Variants in SRSF2 observed in about 807,000 individuals in gnomAD.
SRSF2 encodes serine and arginine rich splicing factor 2.
A neutral mutation model predicts 15.7 loss-of-function variants in SRSF2; 4 were observed. That is an observed-to-expected ratio of 0.26 (90% CI 0.13 to 0.58). SRSF2 has a LOEUF of 0.58. Ranked by LOEUF, SRSF2 falls within the 20% of genes least tolerant of loss-of-function variation. The pLI is 0.90. For missense variants in SRSF2, 147 were observed against 332.4 expected (o/e 0.44, Z 4.34); for synonymous variants, 192 against 138.9 (o/e 1.38, Z -2.69).
At chr17:76,736,066 T>C in intron 2 of SRSF2, 88 bp downstream of exon 2, 1 of 1,321,120 alleles carries the variant, frequency 7.6e-7, no homozygotes, top group Non-Finnish European at 1.0e-6. Context: ...ATGATAGGAG[T>C]CATTCTTACA....
At position 76,734,704 on chromosome 17, in the gene SRSF2, T is replaced by C. The variant is rs889660814; in HGVS notation, c.*462A>G. ...CATTTAGATCTGAAGGTAAATAACA[T>C]ATACAAATTTACACCAACTTTTGTA... On this transcript the variant is annotated 3_prime_UTR_variant, in exon 3 of 3. Transcript: ENST00000359995. 23 of 234,374 alleles carry C rather than the reference T, an allele frequency of 9.8e-5. No individual in the cohort carries two copies. The highest frequency in any genetic ancestry group is 5.1e-4 in the African/African-American group (23 of 44,816). 14.5% of individuals were successfully genotyped at this position (234,374 alleles called of 1,614,324 possible). A position where few individuals can be genotyped will look rare whatever the true frequency, so the allele number is the denominator to read the frequency against.
rs2143925644 is a variant in SRSF2, at chr17:76,736,282, C to T, written c.545G>A (p.Arg182Gln). Residue 182 changes from arginine (R) to glutamine (Q), a missense_variant, in exon 2 of 3, where the codon CGG becomes CAG. By Grantham distance (43) the Arg-to-Gln change is conservative. This residue lies in a region of SRSF2 where 125 missense variants were observed against 185.1 expected (regional missense o/e 0.68). Coordinates refer to ENST00000359995, the MANE Select transcript of SRSF2 (RefSeq NM_001195427.2). Reference sequence around the variant, plus strand: ...CCTGGACCGAGACCGGGACCTGGACCGCGAACGAGATCTGGAGACCGACGA... The same window carrying T: ...CCTGGACCGAGACCGGGACCTGGACTGCGAACGAGATCTGGAGACCGACGA... ...KSSSVSRSRSRSRSRSRSRSP... is the reference protein window; with the variant it reads ...KSSSVSRSRSQSRSRSRSRSP... 1.2e-6 allele frequency: 2 copies of T among 1,614,138 alleles called. No individual in the cohort carries two copies. The highest frequency in any genetic ancestry group is 8.5e-7 in the Non-Finnish European group (1 of 1,180,006).
At chr17:76,736,034 T>C (rs376744257) in intron 2 of SRSF2, 120 bp downstream of exon 2, 15 of 1,022,552 alleles carry the variant, frequency 1.5e-5, no homozygotes, top group South Asian at 1.1e-4. Flanking sequence ...CAAAGGTGAG[T>C]AACCTCCGAG....
chr17:76,735,124 C>G lies in SRSF2; in HGVS notation c.*42G>C. On this transcript the variant is annotated 3_prime_UTR_variant, in exon 3 of 3. Transcript: ENST00000359995. Reference sequence around the variant, plus strand: ...TCGATGGACTATGTGGTCCTTTTTCCCCAAGTCCTCCGTTTACACTGCTTG... The same window carrying G: ...TCGATGGACTATGTGGTCCTTTTTCGCCAAGTCCTCCGTTTACACTGCTTG... 1 of 218,862 alleles carries G rather than the reference C, an allele frequency of 4.6e-6. No individual in the cohort carries two copies. Among genetic ancestry groups the G allele is most frequent in the East Asian group, 6.7e-5 (1 of 14,822 alleles). The allele number at this position is 218,862 out of a possible 1,614,324, so 13.6% of individuals were successfully genotyped here.
rs1212632387 is a variant in SRSF2 at position 76,736,155 on chromosome 17, A to G, written c.*6T>C. 3.1e-6 allele frequency: 5 copies of G among 1,589,066 alleles called. No homozygotes were observed. Among genetic ancestry groups the G allele is most frequent in the Admixed American group, 1.8e-5 (1 of 56,182 alleles). On this transcript the variant is annotated splice_region_variant and 3_prime_UTR_variant, in exon 2 of 3. Coordinates refer to ENST00000359995, the MANE Select transcript of SRSF2 (RefSeq NM_001195427.2). ...GTGTCTCGGATTCCCAGACATTACC[A>G]TTTTCTTAAGAGGACACCGCTCCTT... is the stretch of plus-strand genomic sequence containing the variant.
In SRSF2 at chr17:76,735,460, T is replaced by C. The variant is rs545981405; in HGVS notation, c.*8-302A>G. On this transcript the variant is annotated intron_variant, in intron 2 of 2. Transcript: ENST00000359995. Reference sequence around the variant, plus strand: ...ACAACTCGAGATCAGAGAATTGGTCTATATTTCATTAAGATAAATTGTTTC... The same window carrying C: ...ACAACTCGAGATCAGAGAATTGGTCCATATTTCATTAAGATAAATTGTTTC... 1.3e-5 allele frequency: 3 copies of C among 227,138 alleles called. No homozygotes were observed. In the East Asian group the frequency reaches 1.9e-4, roughly 14 times the overall value. 14.1% of individuals were successfully genotyped at this position (227,138 alleles called of 1,614,324 possible).
chr17:76,736,245 T>G lies in SRSF2; in HGVS notation c.582A>C (p.Pro194=), dbSNP rs1283104650. The G allele has an allele frequency of 6.2e-7, 1 of 1,614,086 alleles. No homozygotes were observed. Among genetic ancestry groups the G allele is most frequent in the South Asian group, 1.1e-5 (1 of 91,078 alleles). ...TGGATTTGGATTCCCTCTTGGACAC[T>G]GGGGGAGGACTCCTGGACCGAGACC... ...RSRSRSRSPP[P]VSKRESKSRS... Residue 194 remains proline, a synonymous_variant, in exon 2 of 3, where the codon CCA becomes CCC. Coordinates refer to ENST00000359995, the MANE Select transcript of SRSF2 (RefSeq NM_001195427.2).
chr17:76,736,556 G>C, intron 1 of SRSF2, 92 bp from the exon 2 acceptor site: 2 of 1,386,250 alleles, frequency 1.4e-6, no homozygotes, highest in Non-Finnish European at 1.9e-6. Context: ...CCATTATCTC[G>C]CCGCCAGACG....
At chr17:76,736,059 A>AT in intron 2 of SRSF2, 95 bp downstream of exon 2, 1 of 1,225,924 alleles carries the variant, frequency 8.2e-7, no homozygotes. Flanking sequence ...ACTCCTAATG[A>AT]TAGGAGTCAT....
chr17:76,735,950 G>GT, intron 2 of SRSF2: 1 of 623,432 alleles, frequency 1.6e-6, no homozygotes, highest in Non-Finnish European at 2.8e-6. Context: ...GTCTCAAACA[G>GT]TTTACGAAAC....
chr17:76,735,508 G>A (rs1297596509), intron 2 of SRSF2: 2 of 229,224 alleles, frequency 8.7e-6, no homozygotes, highest in South Asian at 1.8e-4. Flanking sequence ...TGGTAATTGA[G>A]AATACTACTT....
At chr17:76,736,050 C>T (rs1412903362) in intron 2 of SRSF2, 104 bp downstream of exon 2, 2 of 1,196,468 alleles carry the variant, frequency 1.7e-6, no homozygotes, top group Non-Finnish European at 2.3e-6. Context: ...CCGAGCAGCA[C>T]TCCTAATGAT....
In SRSF2 at chr17:76,736,330, G is replaced by C; in HGVS notation, c.497C>G (p.Ala166Gly). The C allele has an allele frequency of 6.2e-7, 1 of 1,614,140 alleles. No individual in the cohort carries two copies. The highest frequency in any genetic ancestry group is 8.5e-7 in the Non-Finnish European group (1 of 1,180,002). The change falls in exon 2 of 3, where the codon GCA (alanine) becomes GGA (glycine). Residue 166 changes from alanine to glycine, a missense_variant. Ala to Gly is a moderately conservative substitution (Grantham distance 60). Around this residue, in one of 2 missense-constraint regions of SRSF2, gnomAD observed 125 missense variants for 185.1 expected, o/e 0.68. Coordinates refer to ENST00000359995, the MANE Select transcript of SRSF2 (RefSeq NM_001195427.2). ...CGAGGACTTGGACTTGGACCTTCGT[G>C]CGGATCTGGACTTGGAGGTCGACCG... ...RSRSTSKSRS[A>G]RRSKSKSSSV...
chr17:76,736,570 T>C (rs1423270855), intron 1 of SRSF2, 106 bp from the exon 2 acceptor site: 2 of 1,339,244 alleles, frequency 1.5e-6, no homozygotes, highest in South Asian at 1.4e-5. Context: ...CCAGACGCCA[T>C]TTCCCCAGTC....
At chr17:76,736,544 C>A (rs757305177) in intron 1 of SRSF2, 80 bp from the exon 2 acceptor site, 2 of 1,464,732 alleles carry the variant, frequency 1.4e-6, no homozygotes, top group Non-Finnish European at 1.8e-6. Context: ...CCGCCCAGGC[C>A]GCCATTATCT....
At position 76,737,020 on chromosome 17, in the gene SRSF2, C is replaced by T; in HGVS notation, c.141G>A (p.Arg47=). 1.2e-6 allele frequency: 2 copies of T among 1,613,406 alleles called. No individual in the cohort carries two copies. The highest frequency in any genetic ancestry group is 1.7e-6 in the Non-Finnish European group (2 of 1,179,866). The change falls in exon 1 of 3, where the codon CGG becomes CGA. Residue 47 remains arginine, a synonymous_variant. Transcript: ENST00000359995. ...YGRVGDVYIP[R]DRYTKESRGF... is the part of the protein sequence containing the mutation. ...CGCGGGACTCCTTGGTGTAGCGGTC[C>T]CGCGGGATGTACACGTCGCCGACGC...
Position 76,736,137 on chromosome 17 carries a change from G to A in SRSF2, c.*7+17C>T, listed in dbSNP as rs143205325. On this transcript the variant is annotated intron_variant, in intron 2 of 2. Transcript: ENST00000359995. ...TTTATGAATTAGGGTTATGTGTCTC[G>A]GATTCCCAGACATTACCATTTTCTT... is the stretch of plus-strand genomic sequence containing the variant. The A allele has an allele frequency of 1.3e-6, 2 of 1,571,480 alleles. No homozygotes were observed. Among genetic ancestry groups the A allele is most frequent in the African/African-American group, 1.4e-5 (1 of 73,432 alleles).
rs140957080 is a variant in SRSF2, at chr17:76,737,080, G to A, written c.81C>T (p.Pro27=). ...TCTCGAAGACGCGCCTCAGCGTGTC[G>A]GGCGAGGTGCGGTAGGTCAGGTTGT... ...KVDNLTYRTS[P]DTLRRVFEKY... Residue 27 remains proline (P), a synonymous_variant, in exon 1 of 3, where the codon CCC becomes CCT. Transcript: ENST00000359995. 1.4e-4 allele frequency: 223 copies of A among 1,612,600 alleles called. No homozygotes were observed. The highest frequency in any genetic ancestry group is 5.5e-4 in the Admixed American group (33 of 59,864).
chr17:76,736,490 C>A (rs1393975551), intron 1 of SRSF2, 26 bp from the exon 2 acceptor site: 6 of 1,589,376 alleles, frequency 3.8e-6, no homozygotes, highest in East Asian at 2.3e-5. Flanking sequence ...GCAAGCACAG[C>A]GGGGTTAATT....
Sources: gnomAD v4.1 joint callset for allele counts on GRCh38, gnomAD v4.1.1 for gene constraint, gnomAD v4.1.1 regional missense constraint, MANE v1.5 for transcripts, NCBI Gene and HGNC (gene_info 2026-07-23, HGNC 2026-07-21) for gene names.